The following HOXA3 variants were observed in gnomAD, a reference collection of about 807,000 sequenced individuals.
HOXA3 encodes the protein homeobox protein Hox-A3.
A neutral mutation model predicts 30.3 loss-of-function variants in HOXA3; 8 were observed. The ratio of observed to expected loss-of-function variants is 0.26; its 90% CI spans 0.15 to 0.48. The LOEUF (loss-of-function observed/expected upper bound fraction) is 0.48, where lower values mean the gene tolerates loss of function less well. Ranked by LOEUF, HOXA3 falls within the 20% of genes least tolerant of loss-of-function variation. HOXA3 has a pLI of 0.99. For synonymous variants in HOXA3, 323 were observed against 273.1 expected (o/e 1.18, Z -1.80); for missense variants, 653 against 614.4 (o/e 1.06, Z -0.66).
intron 1 of HOXA3, among the ~76,000 whole-genome samples, chr7:27,146,558 A>G (rs1002785511): frequency 6.6e-6 from 1 of 152,278 alleles, no homozygotes; most frequent in African/African-American, 2.4e-5. Context: ...AGTCTTTGGG[A>G]TTCCCTGTGG....
intron 4 of HOXA3, among the ~76,000 whole-genome samples, chr7:27,112,633 G>A (rs965609078): frequency 9.3e-4 from 141 of 152,272 alleles, no homozygotes; most frequent in Non-Finnish European, 7.1e-4. Context: ...TAGTGTATCC[G>A]TTTCCTTTTC....
At chr7:27,111,767 C>G (rs1256784416) in intron 4 of HOXA3, among the ~76,000 whole-genome samples, 1 of 152,146 alleles carries the variant, frequency 6.6e-6, no homozygotes, top group Non-Finnish European at 1.5e-5. Context: ...AAAAAAACCC[C>G]TCCAGGAACC....
chr7:27,125,907 T>TCCACC (rs1256425751), intron 3 of HOXA3, among the ~76,000 whole-genome samples: 8 of 152,076 alleles, frequency 5.3e-5, no homozygotes, highest in Admixed American at 1.3e-4. Flanking sequence ...GATGGTGATA[T>TCCACC]CCACCCCACC....
At chr7:27,135,591 T>C (rs1785685440) in intron 2 of HOXA3, among the ~76,000 whole-genome samples, 1 of 152,344 alleles carries the variant, frequency 6.6e-6, no homozygotes, top group East Asian at 1.9e-4. Context: ...GATTATATTT[T>C]GCAAGAAGTG....
intron 1 of HOXA3, 52 bp downstream of exon 1, chr7:27,152,236 G>C: frequency 1.7e-6 from 2 of 1,190,882 alleles, no homozygotes; most frequent in Non-Finnish European, 2.2e-6. Flanking sequence ...CGCTACCGCC[G>C]CCGGCTGTCG....
intron 2 of HOXA3, among the ~76,000 whole-genome samples, chr7:27,138,581 T>A (rs1389032026): frequency 6.6e-6 from 1 of 152,188 alleles, no homozygotes; most frequent in Non-Finnish European, 1.5e-5. Flanking sequence ...CTGGGTCCCT[T>A]GTGGGTACCC....
chr7:27,108,126 G>T lies in HOXA3; in HGVS notation c.1121C>A (p.Pro374His). The T allele has an allele frequency of 3.1e-6, 5 of 1,604,866 alleles. No homozygotes were observed. The highest frequency in any genetic ancestry group is 2.7e-5 in the African/African-American group (2 of 74,704). Residue 374 changes from proline to histidine, a missense_variant, in exon 6 of 6, where the codon CCC becomes CAC. Physicochemically the swap from Pro to His is moderately conservative, Grantham distance 77 (BLOSUM62 -2). Coordinates refer to ENST00000612286, the MANE Select transcript of HOXA3 (RefSeq NM_153631.3). This position sits in a 1 kb window ranked among gnomAD's most constrained non-coding sequence, Gnocchi z 5.0. ...GAGGGCTGGCCCGGAGTTGCTCATG[G>T]GCTCCACATAGCTGCCCCCCACGAA... ...PVFVGGSYVE[P>H]MSNSGPALFG...
chr7:27,147,519 C>G (rs1227406889), intron 1 of HOXA3: 1 of 1,614,184 alleles, frequency 6.2e-7, no homozygotes. Context: ...AATAGAAACA[C>G]GAGGCCCCGT....
chr7:27,146,058 A>C, intron 1 of HOXA3: 1 of 946,872 alleles, frequency 1.1e-6, no homozygotes, highest in South Asian at 1.7e-5. Context: ...CTGGGGCCCA[A>C]AGCATACTGA....
chr7:27,136,477 G>A (rs751874441), intron 2 of HOXA3, among the ~76,000 whole-genome samples: 3 of 152,188 alleles, frequency 2.0e-5, no homozygotes, highest in Non-Finnish European at 4.4e-5. Flanking sequence ...GGGAGGTGGA[G>A]ACACTTTTTC....
At chr7:27,109,038 C>G (rs548396050) in intron 5 of HOXA3, among the ~76,000 whole-genome samples, 9 of 152,196 alleles carry the variant, frequency 5.9e-5, no homozygotes, top group Non-Finnish European at 1.2e-4. Context: ...TTTGGCCTAT[C>G]GGACAACAGC....
chr7:27,147,659 C>T, intron 1 of HOXA3: 1 of 1,614,182 alleles, frequency 6.2e-7, no homozygotes. Flanking sequence ...GCGTCATAGC[C>T]AGCCTGGTAG....
rs59078276 is a variant in HOXA3 at position 27,107,832 on chromosome 7, TAAAAAA to T, written c.*77_*82del. On this transcript the variant is annotated 3_prime_UTR_variant, in exon 6 of 6. Coordinates refer to ENST00000612286, the MANE Select transcript of HOXA3 (RefSeq NM_153631.3). ...AAGGAAGGAAAGGGCAGGAAGAACC[TAAAAAA>T]AAAAAAAAAAAAAAGCAACCAAAGA... 49 of 545,516 alleles carry T rather than the reference TAAAAAA, an allele frequency of 9.0e-5. No individual in the cohort carries two copies. Among genetic ancestry groups the T allele is most frequent in the South Asian group, 2.4e-4 (5 of 20,562 alleles). 33.8% of individuals were successfully genotyped at this position (545,516 alleles called of 1,614,324 possible). A position where few individuals can be genotyped will look rare whatever the true frequency, so the allele number is the denominator to read the frequency against.
At chr7:27,147,942 G>A (rs985662030) in intron 1 of HOXA3, among the ~76,000 whole-genome samples, 2 of 152,246 alleles carry the variant, frequency 1.3e-5, no homozygotes, top group Admixed American at 6.5e-5. Context: ...CGCGGCGACC[G>A]AGGCAGCAAA....
At chr7:27,127,248 A>G (rs954036909) in intron 2 of HOXA3, among the ~76,000 whole-genome samples, 178 bp from the exon 3 acceptor site, 3 of 152,246 alleles carry the variant, frequency 2.0e-5, no homozygotes, top group African/African-American at 7.2e-5. Flanking sequence ...CACACCTTAT[A>G]AAATGCACTT....
chr7:27,111,657 A>G (rs1258382633), intron 4 of HOXA3, among the ~76,000 whole-genome samples: 1 of 152,046 alleles, frequency 6.6e-6, no homozygotes, highest in Non-Finnish European at 1.5e-5. Context: ...CCCCAGTTAC[A>G]GAAGGTTCCC....
intron 1 of HOXA3, among the ~76,000 whole-genome samples, chr7:27,144,737 T>C (rs117107932): frequency 3.0e-3 from 453 of 152,296 alleles, no homozygotes; most frequent in Non-Finnish European, 4.8e-3. Flanking sequence ...AGTATCTCTG[T>C]AGTTATTTTC....
In HOXA3 at chr7:27,112,420, C is replaced by A. The variant is rs567072600; in HGVS notation, c.-120-1660G>T. Among the ~76,000 whole-genome samples the A allele has an allele frequency of 7.2e-5, 11 of 152,236 alleles. No homozygotes were observed. In the South Asian group the frequency reaches 2.3e-3, roughly 32 times the overall value. On this transcript the variant is annotated intron_variant, in intron 4 of 5. Transcript: ENST00000612286. ...GACTCCTTTAGATTTCATTATTAAG[C>A]CAACAATCTTACCAACATCTGCAAA...
chr7:27,122,680 G>A (rs1408424848), intron 3 of HOXA3, 38 bp from the exon 4 acceptor site: 1 of 152,238 alleles, frequency 6.6e-6, no homozygotes, highest in African/African-American at 2.4e-5. Flanking sequence ...AATGGCGGCT[G>A]CGAGGGAAGG....
Sources: gnomAD v4.1 joint callset for allele counts (sites outside exome capture counted in the v4.1 genomes callset) on GRCh38, gnomAD v4.1.1 for gene constraint, Gnocchi (gnomAD v3.1) non-coding constraint, MANE v1.5 for transcripts, NCBI Gene and HGNC (gene_info 2026-07-23, HGNC 2026-07-21) for gene names.